The following CEP128 variants were observed in gnomAD, a reference collection of about 807,000 sequenced individuals.
The protein encoded by CEP128 is centrosomal protein 128.
In CEP128, 132 loss-of-function variants were observed where a neutral mutation model predicts 156.7. The ratio of observed to expected loss-of-function variants is 0.84; its 90% CI spans 0.73 to 0.97. The LOEUF is 0.97. Among genes scored for constraint, CEP128 ranks in the 50% least tolerant of loss-of-function variants. CEP128 has a pLI of 0.00. For missense variants in CEP128, 1,252 were observed against 1,281.9 expected (o/e 0.98, Z 0.36); for synonymous variants, 469 against 448.9 (o/e 1.04, Z -0.57).
At chr14:80,763,437 A>T (rs562460578) in intron 16 of CEP128, among the ~76,000 whole-genome samples, 27 of 152,220 alleles carry the variant, frequency 1.8e-4, no homozygotes, top group Admixed American at 9.2e-4. Flanking sequence ...ACAGTATTTG[A>T]TAATTGTATC....
intron 19 of CEP128, among the ~76,000 whole-genome samples, chr14:80,614,637 T>A (rs1893138574): frequency 6.6e-6 from 1 of 152,210 alleles, no homozygotes; most frequent in South Asian, 2.1e-4. Flanking sequence ...TTTATGAGAC[T>A]CTATTTTCAT....
chr14:80,810,120 G>A (rs1050195996), intron 13 of CEP128, among the ~76,000 whole-genome samples: 1 of 151,526 alleles, frequency 6.6e-6, no homozygotes, highest in African/African-American at 2.4e-5. Flanking sequence ...TCAGGAGATC[G>A]AGATCGTCCT....
intron 19 of CEP128, among the ~76,000 whole-genome samples, chr14:80,708,821 T>C (rs1897307611): frequency 6.6e-6 from 1 of 152,132 alleles, no homozygotes; most frequent in South Asian, 2.1e-4. Context: ...ATTATACTGA[T>C]GAATGGTGTC....
rs377642829 is a variant in CEP128, at chr14:80,673,460, G to A, written c.2806+69615C>T. On this transcript the variant is annotated intron_variant, in intron 19 of 24. Transcript: ENST00000555265. ...AGATCGAGACCATCCCGGCTAAAAC[G>A]GTGAAACCCCGTCTCTACTAAAAAT... 6.5e-5 allele frequency among the ~76,000 whole-genome samples: 9 copies of A among 139,084 alleles called. No individual in the cohort carries two copies. In the East Asian group the frequency reaches 8.6e-4, roughly 13 times the overall value. The allele number at this position is 139,084 out of a possible 152,430, so 91.2% of individuals were successfully genotyped here. A position where few individuals can be genotyped will look rare whatever the true frequency, so the allele number is the denominator to read the frequency against.
chr14:80,673,216 A>G (rs1446355719), intron 19 of CEP128, among the ~76,000 whole-genome samples: 6 of 152,238 alleles, frequency 3.9e-5, no homozygotes, highest in African/African-American at 1.4e-4. Context: ...TCCATTCTGA[A>G]ATCATAAAAT....
intron 19 of CEP128, among the ~76,000 whole-genome samples, chr14:80,700,127 GA>G (rs1324202460): frequency 2.0e-5 from 3 of 152,174 alleles, no homozygotes; most frequent in African/African-American, 7.2e-5. Flanking sequence ...TAGTGAAAGG[GA>G]AAGTGTCAAG....
chr14:80,830,867 C>T (rs1244868831), intron 13 of CEP128: 1 of 326,886 alleles, frequency 3.1e-6, no homozygotes, highest in Admixed American at 4.6e-5. Flanking sequence ...GCTATTAGAA[C>T]AAAAATATTT....
intron 19 of CEP128, among the ~76,000 whole-genome samples, chr14:80,607,773 A>G (rs1892842979): frequency 6.6e-6 from 1 of 152,142 alleles, no homozygotes. Flanking sequence ...GCATCAACTA[A>G]CTTTTTAACT....
rs1886190216 is a variant in CEP128 at position 80,838,344 on chromosome 14, G to T, written c.850-66C>A. The T allele has an allele frequency of 1.2e-5, 14 of 1,165,574 alleles. No homozygotes were observed. In the South Asian group the frequency reaches 1.5e-4, roughly 13 times the overall value. 72.2% of individuals were successfully genotyped at this position (1,165,574 alleles called of 1,614,324 possible). A position where few individuals can be genotyped will look rare whatever the true frequency, so the allele number is the denominator to read the frequency against. ...GCAGAAGATAACTAAATTATTATGGGCACAGTTTAAAAGGAGAAAAGTGGA... is the reference window on the plus strand; with the variant it reads ...GCAGAAGATAACTAAATTATTATGGTCACAGTTTAAAAGGAGAAAAGTGGA... On this transcript the variant is annotated intron_variant, in intron 10 of 24. Transcript: ENST00000555265.
At chr14:80,574,709 C>A (rs1595030052) in intron 20 of CEP128, among the ~76,000 whole-genome samples, 1 of 151,934 alleles carries the variant, frequency 6.6e-6, no homozygotes, top group Non-Finnish European at 1.5e-5. Flanking sequence ...TTTTTTTCCT[C>A]GAAAGACTGT....
chr14:80,494,224 G>T (rs966898896), downstream of CEP128, among the ~76,000 whole-genome samples: 1 of 152,070 alleles, frequency 6.6e-6, no homozygotes, highest in African/African-American at 2.4e-5. Context: ...TCCAGCTAAG[G>T]TTCATAATTT....
chr14:80,884,250 C>T (rs1397316953), intron 8 of CEP128, among the ~76,000 whole-genome samples: 1 of 152,158 alleles, frequency 6.6e-6, no homozygotes, highest in Admixed American at 6.5e-5. Context: ...AGTTAAAAAG[C>T]TTGCACACAG....
chr14:80,858,657 G>A (rs1887340338), intron 9 of CEP128, among the ~76,000 whole-genome samples: 1 of 148,866 alleles, frequency 6.7e-6, no homozygotes, highest in Non-Finnish European at 1.5e-5. Context: ...TCTGACAAAG[G>A]GCTAATATCC....
intron 2 of CEP128, among the ~76,000 whole-genome samples, chr14:80,937,813 G>C (rs1885898058): frequency 2.0e-5 from 3 of 151,928 alleles, no homozygotes; most frequent in Non-Finnish European, 4.4e-5. Context: ...GGTAAATCTA[G>C]ATTATTTTTA....
At chr14:80,609,956 G>C (rs574153849) in intron 19 of CEP128, among the ~76,000 whole-genome samples, 48 of 151,930 alleles carry the variant, frequency 3.2e-4, no homozygotes, top group Non-Finnish European at 6.8e-4. Flanking sequence ...GTACCCTCAA[G>C]AGTCAACTTC....
chr14:80,650,244 T>C (rs1459491535), intron 19 of CEP128, among the ~76,000 whole-genome samples: 1 of 152,176 alleles, frequency 6.6e-6, no homozygotes, highest in Non-Finnish European at 1.5e-5. Flanking sequence ...TAGGAATGCT[T>C]GTGCTTTTTG....
At chr14:80,533,091 T>C (rs1889304876) in intron 21 of CEP128, among the ~76,000 whole-genome samples, 1 of 152,184 alleles carries the variant, frequency 6.6e-6, no homozygotes, top group African/African-American at 2.4e-5. Flanking sequence ...TTCATCAAAA[T>C]GATGTGTTTC....
intron 19 of CEP128, among the ~76,000 whole-genome samples, chr14:80,699,622 C>A (rs971788867): frequency 6.7e-6 from 1 of 149,694 alleles, no homozygotes; most frequent in South Asian, 2.2e-4. Flanking sequence ...GCACCTTAGG[C>A]GAGCATGCTA....
At chr14:80,785,992 T>C (rs1901388024) in intron 14 of CEP128, among the ~76,000 whole-genome samples, 1 of 152,022 alleles carries the variant, frequency 6.6e-6, no homozygotes, top group African/African-American at 2.4e-5. Flanking sequence ...GAAAATAATA[T>C]AGGGAAGCAT....
Sources: allele counts gnomAD v4.1 joint callset (sites outside exome capture counted in the v4.1 genomes callset), GRCh38; gene constraint gnomAD v4.1.1; transcripts MANE v1.5; gene names NCBI Gene and HGNC (gene_info 2026-07-23, HGNC 2026-07-21).